Variants in MROH1 observed in about 807,000 individuals in gnomAD.
MROH1 encodes the protein maestro heat-like repeat-containing protein family member 1.
Under a neutral mutation model 116.5 loss-of-function variants are expected in MROH1, and 117 were observed. That is an observed-to-expected ratio of 1.00 (90% CI 0.86 to 1.17). The LOEUF (loss-of-function observed/expected upper bound fraction) is 1.17, where lower values mean the gene tolerates loss of function less well. Ranked by LOEUF, MROH1 falls within the 50% of genes most tolerant of loss-of-function variation. The pLI, the probability that MROH1 is intolerant of heterozygous loss-of-function variation, is 0.00. For synonymous variants in MROH1, 921 were observed against 583.9 expected, an observed-to-expected ratio of 1.58 and a Z score of -8.32; for missense variants, 1,873 against 1,338.5, an observed-to-expected ratio of 1.40 and a Z score of -6.23.
chr8:144,195,063 C>A (rs74874005), intron 10 of MROH1, among the ~76,000 whole-genome samples: 11 of 151,432 alleles, frequency 7.3e-5, no homozygotes, highest in African/African-American at 2.7e-4. Flanking sequence ...GGTGTCATGG[C>A]GCATGCCTGT....
chr8:144,222,366 A>C (rs1166698504), intron 13 of MROH1, among the ~76,000 whole-genome samples: 1 of 152,128 alleles, frequency 6.6e-6, no homozygotes, highest in African/African-American at 2.4e-5. Context: ...GGAGGGAGGC[A>C]AAGGGAACTG....
At chr8:144,179,654 T>C (rs1825037425) in intron 5 of MROH1, 68 bp downstream of exon 5, 1 of 1,544,042 alleles carries the variant, frequency 6.5e-7, no homozygotes, top group African/African-American at 1.4e-5. Flanking sequence ...CTTCTTGGCC[T>C]TTCTACCCAG....
intron 39 of MROH1, 76 bp from the exon 40 acceptor site, chr8:144,260,601 C>T (rs1463715077): frequency 1.3e-6 from 1 of 766,754 alleles, no homozygotes; most frequent in Non-Finnish European, 2.4e-6. Context: ...GGGCACCCAT[C>T]AATGGCAGGG....
chr8:144,237,126 C>T (rs202031230), intron 14 of MROH1, among the ~76,000 whole-genome samples: 2 of 151,714 alleles, frequency 1.3e-5, no homozygotes, highest in Non-Finnish European at 1.5e-5. Flanking sequence ...AGGATGGTCT[C>T]GATCTCCTGA....
In MROH1 at chr8:144,242,366, C is replaced by T; in HGVS notation, c.2179-3C>T. On this transcript the variant is annotated splice_region_variant and splice_polypyrimidine_tract_variant and intron_variant, in intron 22 of 43. Coordinates refer to ENST00000326134, the MANE Select transcript of MROH1 (RefSeq NM_032450.3). Reference sequence around the variant, plus strand: ...AGTCCCGCTGGTTCCTCTGGCCTCTCAGGATCGAAGTGAGAACGAAGTGGA... The same window carrying T: ...AGTCCCGCTGGTTCCTCTGGCCTCTTAGGATCGAAGTGAGAACGAAGTGGA... 1.3e-6 allele frequency: 1 copy of T among 780,732 alleles called. No individual in the cohort carries two copies. The highest frequency in any genetic ancestry group is 1.7e-5 in the Admixed American group (1 of 59,044). The allele number at this position is 780,732 out of a possible 1,614,324, so 48.4% of individuals were successfully genotyped here.
chr8:144,158,797 C>A (rs1342880726), intron 1 of MROH1, among the ~76,000 whole-genome samples: 1 of 151,722 alleles, frequency 6.6e-6, no homozygotes, highest in Non-Finnish European at 1.5e-5. Context: ...GAGGCTGGAG[C>A]ACAGTGGTGT....
chr8:144,233,705 G>C (rs569127471), intron 14 of MROH1, among the ~76,000 whole-genome samples: 2 of 152,340 alleles, frequency 1.3e-5, no homozygotes, highest in East Asian at 1.9e-4. Flanking sequence ...AATATTCCCT[G>C]TGTGGAGATG....
At chr8:144,233,045 G>T (rs1554823374) in intron 14 of MROH1, among the ~76,000 whole-genome samples, 8 of 151,190 alleles carry the variant, frequency 5.3e-5, no homozygotes, top group Non-Finnish European at 1.2e-4. Flanking sequence ...GCCCAGGCCA[G>T]TCTAGAGCTC....
rs944256069 is a variant in MROH1 at position 144,175,619 on chromosome 8, G to A, written c.169-3836G>A. ...GTCTCCTACCTGGGAAGAGTGTCTA[G>A]ATTATGAAAGTCAGAAACAATAGGC... On this transcript the variant is annotated intron_variant, in intron 4 of 43. Coordinates refer to ENST00000326134, the MANE Select transcript of MROH1 (RefSeq NM_032450.3). 30 of 886,816 alleles carry A rather than the reference G, an allele frequency of 3.4e-5. No individual in the cohort carries two copies. In the African/African-American group the frequency reaches 5.4e-4, roughly 16 times the overall value. The allele number at this position is 886,816 out of a possible 1,614,324, so 54.9% of individuals were successfully genotyped here. A position where few individuals can be genotyped will look rare whatever the true frequency, so the allele number is the denominator to read the frequency against.
intron 14 of MROH1, among the ~76,000 whole-genome samples, chr8:144,236,635 C>A (rs886297029): frequency 0.06 from 9,134 of 151,544 alleles, 946 homozygotes; most frequent in African/African-American, 0.21. Context: ...CTCAGCTACT[C>A]GGGAGGCTGA....
At chr8:144,218,546 C>T (rs1359511303) in intron 12 of MROH1, among the ~76,000 whole-genome samples, 2 of 151,414 alleles carry the variant, frequency 1.3e-5, no homozygotes, top group Non-Finnish European at 2.9e-5. Context: ...ATTCCCTGCA[C>T]CCTTTGCTGT....
At chr8:144,249,702 G>GC (rs34695721) in intron 32 of MROH1, among the ~76,000 whole-genome samples, 43 of 151,850 alleles carry the variant, frequency 2.8e-4, no homozygotes, top group Non-Finnish European at 5.4e-4. Flanking sequence ...CAAACTCACA[G>GC]CCCCCCCCAA....
intron 22 of MROH1, 59 bp downstream of exon 22, chr8:144,241,576 A>T: frequency 2.6e-6 from 2 of 774,514 alleles, no homozygotes; most frequent in South Asian, 2.7e-5. Flanking sequence ...TTTGAGGCTC[A>T]GGGGGTGCCC....
chr8:144,259,563 G>A (rs974374253), intron 37 of MROH1, among the ~76,000 whole-genome samples: 4 of 152,218 alleles, frequency 2.6e-5, no homozygotes, highest in South Asian at 2.1e-4. Context: ...GAGGAGGACC[G>A]AGGCTCCCTG....
chr8:144,195,501 CAAAAAAAA>C (rs1163550725), intron 10 of MROH1, among the ~76,000 whole-genome samples: 1 of 35,340 alleles, frequency 2.8e-5, no homozygotes, highest in Non-Finnish European at 4.9e-5. Context: ...GACTCTGTCT[CAAAAAAAA>C]AAAAAAAAAA....
chr8:144,250,869 A>G, intron 33 of MROH1: 1 of 241,296 alleles, frequency 4.1e-6, no homozygotes. Context: ...CCAAGCTCAC[A>G]CCTCCCAGCT....
intron 14 of MROH1, among the ~76,000 whole-genome samples, chr8:144,223,930 T>G (rs1445347640): frequency 6.6e-6 from 1 of 152,222 alleles, no homozygotes; most frequent in Non-Finnish European, 1.5e-5. Context: ...TGAATTTAAC[T>G]GGAAACATCT....
Position 144,256,067 on chromosome 8 carries a change from C to T in MROH1, c.3791+362C>T, listed in dbSNP as rs892904167. On this transcript the variant is annotated intron_variant, in intron 35 of 43. Coordinates refer to ENST00000326134, the MANE Select transcript of MROH1 (RefSeq NM_032450.3). Reference sequence around the variant, plus strand: ...CTTTGGGGTATAGGCTGGGGTCAACCATGGCAGGACCAGCTTTGTCCCTGA... The same window carrying T: ...CTTTGGGGTATAGGCTGGGGTCAACTATGGCAGGACCAGCTTTGTCCCTGA... 7.9e-5 allele frequency among the ~76,000 whole-genome samples: 12 copies of T among 152,298 alleles called. No individual in the cohort carries two copies. In the East Asian group the frequency reaches 1.5e-3, roughly 20 times the overall value.
intron 14 of MROH1, among the ~76,000 whole-genome samples, chr8:144,235,434 C>A (rs898526517): frequency 6.6e-6 from 1 of 152,088 alleles, no homozygotes; most frequent in Non-Finnish European, 1.5e-5. Context: ...TGTCTTGTTC[C>A]TTCTCTTTGT....
Sources: gnomAD v4.1 joint callset for allele counts (sites outside exome capture counted in the v4.1 genomes callset) on GRCh38, gnomAD v4.1.1 for gene constraint, MANE v1.5 for transcripts, NCBI Gene and HGNC (gene_info 2026-07-23, HGNC 2026-07-21) for gene names.